PHACTR2: variants seen among roughly 807,000 people sequenced by gnomAD.
PHACTR2 encodes the protein chromosome 6 open reading frame 56.
A neutral mutation model predicts 76.0 loss-of-function variants in PHACTR2; 30 were observed. The ratio of observed to expected loss-of-function variants is 0.39; its 90% CI spans 0.30 to 0.54. The LOEUF (loss-of-function observed/expected upper bound fraction) is 0.54. Among genes scored for constraint, PHACTR2 ranks in the 20% least tolerant of loss-of-function variants. PHACTR2 has a pLI of 0.61. For synonymous variants in PHACTR2, 292 were observed against 292.5 expected (o/e 1.00, Z 0.02); for missense variants, 696 against 781.1 (o/e 0.89, Z 1.30).
chr6:143,657,896 A>C, intron 1 of PHACTR2, among the ~76,000 whole-genome samples: 1 of 152,274 alleles, frequency 6.6e-6, no homozygotes, highest in Middle Eastern at 3.4e-3. Flanking sequence ...CTGACAGCTG[A>C]GGGCTGTCTC....
Position 143,775,494 on chromosome 6 carries a change from C to T in PHACTR2, c.1589+1279C>T, listed in dbSNP as rs1411157409. Among the ~76,000 whole-genome samples the T allele has an allele frequency of 4.6e-5, 7 of 152,150 alleles. No homozygotes were observed. Among genetic ancestry groups the T allele is most frequent in the African/African-American group, 1.7e-4 (7 of 41,432 alleles). On this transcript the variant is annotated intron_variant, in intron 8 of 12. Transcript: ENST00000440869. This position sits in a 1 kb window ranked among gnomAD's most constrained non-coding sequence, Gnocchi z 4.4. ...ATCTTACCAAGGAAAAACAAGGGGC[C>T]TCTCTGAGGCCCAGAGAGATTAAGG...
At position 143,659,498 on chromosome 6, in the gene PHACTR2, G is replaced by C. The variant is rs916669883; in HGVS notation, c.13+51176G>C. 6.6e-6 allele frequency among the ~76,000 whole-genome samples: 1 copy of C among 152,228 alleles called. No individual in the cohort carries two copies. Among genetic ancestry groups the C allele is most frequent in the African/African-American group, 2.4e-5 (1 of 41,458 alleles). On this transcript the variant is annotated intron_variant, in intron 1 of 11. Transcript: ENST00000305766. This position sits in a 1 kb window ranked among gnomAD's most constrained non-coding sequence, Gnocchi z 5.0. The stretch of plus-strand genomic sequence containing the variant: ...ACTGGGCAGCACGCCATTCCTTGCA[G>C]AATGCCAGACTGAGGGCTCAGTTTC...
chr6:143,772,678 G>A lies in PHACTR2; in HGVS notation c.1432+221G>A, dbSNP rs1276153422. On this transcript the variant is annotated intron_variant, in intron 7 of 12. Coordinates refer to ENST00000440869, the MANE Select transcript of PHACTR2 (RefSeq NM_001100164.2). This position sits in a 1 kb window ranked among gnomAD's most constrained non-coding sequence, Gnocchi z 5.4. ...ATGGCTGGATCTGGCCTTTGTCGAT[G>A]AGCTAGATGAGCTAGATGTGCTAGA... is the stretch of plus-strand genomic sequence containing the variant. 6.6e-6 allele frequency among the ~76,000 whole-genome samples: 1 copy of A among 152,164 alleles called. No homozygotes were observed. Among genetic ancestry groups the A allele is most frequent in the Admixed American group, 6.5e-5 (1 of 15,276 alleles).
intron 1 of PHACTR2, among the ~76,000 whole-genome samples, chr6:143,569,127 C>T (rs1244172301): frequency 2.6e-5 from 4 of 152,202 alleles, no homozygotes; most frequent in African/African-American, 9.7e-5. Flanking sequence ...AAGTGTTGCA[C>T]TTTCTGGCCT....
Position 143,777,436 on chromosome 6 carries a change from C to A in PHACTR2, c.1645+53C>A. 1.1e-6 allele frequency: 1 copy of A among 903,636 alleles called. No individual in the cohort carries two copies. The allele number at this position is 903,636 out of a possible 1,614,324, so 56.0% of individuals were successfully genotyped here. The stretch of plus-strand genomic sequence containing the variant: ...CCTTGTGTAATCGCTAACAAGCTGC[C>A]TCTACAGATGATCGATTTATCAGTA... On this transcript the variant is annotated intron_variant, in intron 9 of 12. Coordinates refer to ENST00000440869, the MANE Select transcript of PHACTR2 (RefSeq NM_001100164.2). The surrounding 1 kb of genome is among the most constrained non-coding windows in gnomAD (Gnocchi z 4.6).
Position 143,789,072 on chromosome 6 carries a change from G to A in PHACTR2, c.1845+162G>A, listed in dbSNP as rs1775619937. The A allele has an allele frequency of 1.8e-6, 1 of 561,596 alleles. No individual in the cohort carries two copies. The highest frequency in any genetic ancestry group is 1.9e-5 in the African/African-American group (1 of 53,834). The allele number at this position is 561,596 out of a possible 1,614,324, so 34.8% of individuals were successfully genotyped here. A position where few individuals can be genotyped will look rare whatever the true frequency, so the allele number is the denominator to read the frequency against. Reference sequence around the variant, plus strand: ...AAGCCACTTAAGTGATACATTTAGTGATATCAATGTAGTTCTTTCAACTAA... The same window carrying A: ...AAGCCACTTAAGTGATACATTTAGTAATATCAATGTAGTTCTTTCAACTAA... On this transcript the variant is annotated intron_variant, in intron 11 of 12. Transcript: ENST00000440869. The surrounding 1 kb of genome is among the most constrained non-coding windows in gnomAD (Gnocchi z 5.1).
chr6:143,634,266 T>C (rs114417136), intron 1 of PHACTR2, among the ~76,000 whole-genome samples: 1,688 of 152,358 alleles, frequency 0.011, 23 homozygotes, highest in African/African-American at 0.038. Context: ...AGTTCTCTTC[T>C]GGAAAGTTAC....
Position 143,553,524 on chromosome 6 carries a change from T to A in PHACTR2, c.217+16317T>A, listed in dbSNP as rs573694784. ...ACAGAGGCTGGAGACAGGAGCCCCA[T>A]CTTCAGATGTTAGATGAACAAACAG... On this transcript the variant is annotated intron_variant, in intron 1 of 11. Coordinates refer to the PHACTR2 transcript ENST00000367584. The surrounding 1 kb of genome is among the most constrained non-coding windows in gnomAD (Gnocchi z 4.2). 6.6e-6 allele frequency among the ~76,000 whole-genome samples: 1 copy of A among 152,304 alleles called. No homozygotes were observed. The highest frequency in any genetic ancestry group is 2.1e-4 in the South Asian group (1 of 4,826).
In PHACTR2 at chr6:143,776,255, A is replaced by G. The variant is rs888723383; in HGVS notation, c.1590-1073A>G. 2.6e-5 allele frequency among the ~76,000 whole-genome samples: 4 copies of G among 152,204 alleles called. No individual in the cohort carries two copies. Among genetic ancestry groups the G allele is most frequent in the Non-Finnish European group, 5.9e-5 (4 of 68,028 alleles). On this transcript the variant is annotated intron_variant, in intron 8 of 12. Coordinates refer to ENST00000440869, the MANE Select transcript of PHACTR2 (RefSeq NM_001100164.2). The surrounding 1 kb of genome is among the most constrained non-coding windows in gnomAD (Gnocchi z 5.3). The stretch of plus-strand genomic sequence containing the variant: ...TTACTGTGCTAAAAGTCTGGTCACA[A>G]TTATTTGTGGTGAAGAAAAGGTATA...
rs1775174732 is a variant in PHACTR2, at chr6:143,772,341, G to A, written c.1316G>A (p.Ser439Asn). ...GLMGESSESF[S>N]ASEDEGHREY... ...ATGGGCGAATCTTCAGAATCCTTTA[G>A]TGCCTCAGAAGATGAAGGCCACAGG... Residue 439 changes from serine (S) to asparagine (N), a missense_variant, in exon 7 of 13, where the codon AGT becomes AAT. By Grantham distance (46) the Ser-to-Asn change is conservative. Coordinates refer to ENST00000440869, the MANE Select transcript of PHACTR2 (RefSeq NM_001100164.2). This position sits in a 1 kb window ranked among gnomAD's most constrained non-coding sequence, Gnocchi z 5.4. 3 of 1,613,492 alleles carry A rather than the reference G, an allele frequency of 1.9e-6. No individual in the cohort carries two copies. Among genetic ancestry groups the A allele is most frequent in the Non-Finnish European group, 1.7e-6 (2 of 1,179,434 alleles).
At chr6:143,615,522 G>T (rs1403369860) in intron 1 of PHACTR2, among the ~76,000 whole-genome samples, 1 of 152,158 alleles carries the variant, frequency 6.6e-6, no homozygotes, top group Non-Finnish European at 1.5e-5. Context: ...ACAAAATATA[G>T]TTGTGAAGTG....
At chr6:143,769,363 G>T (rs113862742) in intron 6 of PHACTR2, among the ~76,000 whole-genome samples, 26 of 152,108 alleles carry the variant, frequency 1.7e-4, no homozygotes, top group African/African-American at 5.5e-4. Context: ...AACCCGAGGG[G>T]GAAAAATGAG....
At chr6:143,626,536 CAAA>C (rs35107482) in intron 1 of PHACTR2, among the ~76,000 whole-genome samples, 1 of 122,336 alleles carries the variant, frequency 8.2e-6, no homozygotes, top group South Asian at 2.7e-4. Context: ...GACTCCGTCT[CAAA>C]AAAAAAAAAA....
rs1776553087 is a variant in PHACTR2 at position 143,827,158 on chromosome 6, ATATAT to A, written c.*3470_*3474del. 88 of 33,806 alleles carry A rather than the reference ATATAT, an allele frequency of 2.6e-3. No homozygotes were observed. The highest frequency in any genetic ancestry group is 0.01 in the African/African-American group (83 of 8,170). The allele number at this position is 33,806 out of a possible 1,614,324, so 2.1% of individuals were successfully genotyped here. On this transcript the variant is annotated 3_prime_UTR_variant, in exon 13 of 13. Transcript: ENST00000440869. ...CTGCGTTGGCATTAAAAAAGAAAAT[ATATAT>A]ATATATATATATATATATATATATA...
intron 3 of PHACTR2, 42 bp downstream of exon 3, chr6:143,749,107 A>G (rs1779131404): frequency 9.7e-7 from 1 of 1,029,104 alleles, no homozygotes; most frequent in South Asian, 1.3e-5. Flanking sequence ...TTGGTCCTTC[A>G]TTCTTTGGTT....
rs1775453511 is a variant in PHACTR2, at chr6:143,782,388, A to G, written c.1646-831A>G. ...TAAGCATCGGTATCCAAGAAGCAAA[A>G]TGTATGCTCACTGATCAAACAGATG... On this transcript the variant is annotated intron_variant, in intron 9 of 12. Transcript: ENST00000440869. This position sits in a 1 kb window ranked among gnomAD's most constrained non-coding sequence, Gnocchi z 4.6. Among the ~76,000 whole-genome samples the G allele has an allele frequency of 6.6e-6, 1 of 152,222 alleles. No individual in the cohort carries two copies. Among genetic ancestry groups the G allele is most frequent in the Non-Finnish European group, 1.5e-5 (1 of 68,032 alleles).
In PHACTR2 at chr6:143,704,697, C is replaced by A. The variant is rs141085074; in HGVS notation, c.47-7319C>A. Among the ~76,000 whole-genome samples, 696 of 152,232 alleles carry A rather than the reference C, an allele frequency of 4.6e-3. 4 individuals are homozygous for A. The highest frequency in any genetic ancestry group is 6.8e-3 in the Middle Eastern group (2 of 294). ...TCATTAGGATTTCAGTAGTTTTTCC[C>A]TAATGTCGTCTTTTTTTTGTTCCAG... is the stretch of plus-strand genomic sequence containing the variant. On this transcript the variant is annotated intron_variant, in intron 1 of 12. Coordinates refer to ENST00000440869, the MANE Select transcript of PHACTR2 (RefSeq NM_001100164.2).
At chr6:143,628,973 A>ATATG (rs1776312417) in intron 1 of PHACTR2, among the ~76,000 whole-genome samples, 2 of 110,780 alleles carry the variant, frequency 1.8e-5, no homozygotes, top group Non-Finnish European at 3.6e-5. Flanking sequence ...ATATATATAT[A>ATATG]TATATACTGC....
chr6:143,814,848 C>T (rs1704734462), intron 12 of PHACTR2, among the ~76,000 whole-genome samples: 1 of 152,032 alleles, frequency 6.6e-6, no homozygotes, highest in Admixed American at 6.5e-5. Flanking sequence ...GTGATCCGCC[C>T]GCCTCGGCCT....
Sources: allele counts gnomAD v4.1 joint callset (sites outside exome capture counted in the v4.1 genomes callset), GRCh38; gene constraint gnomAD v4.1.1; non-coding constraint Gnocchi (gnomAD v3.1); transcripts MANE v1.5; gene names NCBI Gene and HGNC (gene_info 2026-07-23, HGNC 2026-07-21).